Variants in ANKRD31 observed in about 807,000 individuals in gnomAD.
ANKRD31 encodes ankyrin repeat domain 31, also known as ankyrin repeat domain-containing protein 31.
In ANKRD31, 147 loss-of-function variants were observed where a neutral mutation model predicts 186.0. That is an observed-to-expected ratio of 0.79 (90% CI 0.69 to 0.91). ANKRD31 has a LOEUF of 0.91. ANKRD31 is among the 40% of genes least tolerant of loss of function. The pLI, the probability that ANKRD31 is intolerant of heterozygous loss-of-function variation, is 0.00. For synonymous variants in ANKRD31, 673 were observed against 736.4 expected (o/e 0.91, Z 1.39); for missense variants, 1,986 against 2,148.8 (o/e 0.92, Z 1.50).
chr5:75,134,653 A>G (rs1259269407), intron 17 of ANKRD31, among the ~76,000 whole-genome samples: 1 of 152,186 alleles, frequency 6.6e-6, no homozygotes, highest in Non-Finnish European at 1.5e-5. Context: ...AATCCTCCCT[A>G]ACTCATTTGA....
rs1482435047 is a variant in ANKRD31, at chr5:75,112,538, A to C, written c.4218T>G (p.Phe1406Leu). 1.3e-6 allele frequency: 2 copies of C among 1,520,304 alleles called. No homozygotes were observed. Among genetic ancestry groups the C allele is most frequent in the South Asian group, 1.2e-5 (1 of 82,590 alleles). The allele number at this position is 1,520,304 out of a possible 1,614,324, so 94.2% of individuals were successfully genotyped here. ...CTGCATCTTCAGGGTTTCTTATTTC[A>C]AACTCTAATAAATATTCTTGTTTTT... ...IEEKQEYLLE[F>L]EIRNPEDAEQ... The change falls in exon 20 of 26, where the codon TTT (phenylalanine) becomes TTG (leucine). Residue 1406 changes from phenylalanine (F) to leucine (L), a missense_variant. By Grantham distance (22) the Phe-to-Leu change is conservative. Transcript: ENST00000506364.
At chr5:75,191,169 T>C (rs1226930394) in intron 9 of ANKRD31, among the ~76,000 whole-genome samples, 1 of 152,152 alleles carries the variant, frequency 6.6e-6, no homozygotes, top group African/African-American at 2.4e-5. Flanking sequence ...CTTTGATCAA[T>C]CTGAAATTAA....
At chr5:75,135,868 C>G (rs1049724519) in intron 17 of ANKRD31, among the ~76,000 whole-genome samples, 7 of 152,174 alleles carry the variant, frequency 4.6e-5, no homozygotes, top group African/African-American at 1.4e-4. Context: ...TACCACACAT[C>G]TACAATGATC....
intron 6 of ANKRD31, among the ~76,000 whole-genome samples, chr5:75,197,579 C>A (rs950125046): frequency 6.6e-6 from 1 of 152,060 alleles, no homozygotes; most frequent in East Asian, 1.9e-4. Context: ...GTTAGCAATG[C>A]TAACTATAAT....
chr5:75,231,037 T>C (rs1287888303), intron 1 of ANKRD31, among the ~76,000 whole-genome samples: 1 of 152,134 alleles, frequency 6.6e-6, no homozygotes, highest in Non-Finnish European at 1.5e-5. Flanking sequence ...GGATTATATC[T>C]GAGTATATAT....
intron 25 of ANKRD31, among the ~76,000 whole-genome samples, chr5:75,078,757 A>G (rs1424005142): frequency 6.6e-6 from 1 of 152,246 alleles, no homozygotes; most frequent in Non-Finnish European, 1.5e-5. Flanking sequence ...ATAACAAATA[A>G]TGTAGAAATT....
rs1324642927 is a variant in ANKRD31 at position 75,104,442 on chromosome 5, T to C, written c.5117A>G (p.His1706Arg). 4 of 1,537,252 alleles carry C rather than the reference T, an allele frequency of 2.6e-6. No homozygotes were observed. The Admixed American group carries it at 5.9e-5, about 23-fold the overall frequency. The change falls in exon 22 of 26, where the codon CAT becomes CGT. Residue 1706 changes from histidine (H) to arginine (R), a missense_variant. His to Arg is a conservative substitution (Grantham distance 29). Coordinates refer to ENST00000506364, the MANE Select transcript of ANKRD31 (RefSeq NM_001372053.1). ...TTTTTTAAGATATGGTTTCATCTGA[T>C]GCACTGTATCACTGCCTAAGACAGC... is the stretch of plus-strand genomic sequence containing the variant. The part of the protein sequence containing the change: ...GIAVLGSDTV[H>R]QMKPYLKKSV...
At chr5:75,069,526 G>A (rs1262971077) in intron 25 of ANKRD31, among the ~76,000 whole-genome samples, 1 of 151,864 alleles carries the variant, frequency 6.6e-6, no homozygotes, top group Non-Finnish European at 1.5e-5. Context: ...CATGTAATGA[G>A]TTTTTTGTTT....
At chr5:75,202,647 T>C (rs1408100664) in intron 5 of ANKRD31, among the ~76,000 whole-genome samples, 1 of 152,238 alleles carries the variant, frequency 6.6e-6, no homozygotes, top group African/African-American at 2.4e-5. Flanking sequence ...ATCTTTATCT[T>C]TCTACAATTT....
At chr5:75,216,398 C>T (rs1756961461) in intron 3 of ANKRD31, among the ~76,000 whole-genome samples, 1 of 152,124 alleles carries the variant, frequency 6.6e-6, no homozygotes, top group South Asian at 2.1e-4. Context: ...AGGTACAATA[C>T]AGTTCCTGGT....
At chr5:75,171,531 G>C (rs1173961561) in intron 10 of ANKRD31, among the ~76,000 whole-genome samples, 2 of 151,496 alleles carry the variant, frequency 1.3e-5, no homozygotes, top group Non-Finnish European at 3.0e-5. Context: ...CAAAATCAGT[G>C]ACCTCATTTT....
chr5:75,194,118 A>T (rs1425416178), intron 7 of ANKRD31, among the ~76,000 whole-genome samples: 1 of 152,134 alleles, frequency 6.6e-6, no homozygotes, highest in Non-Finnish European at 1.5e-5. Flanking sequence ...TTCCATGAAC[A>T]TATGTATTCT....
At chr5:75,221,943 A>C (rs1397498548) in intron 3 of ANKRD31, among the ~76,000 whole-genome samples, 1 of 152,192 alleles carries the variant, frequency 6.6e-6, no homozygotes, top group African/African-American at 2.4e-5. Context: ...GTAGGCTATA[A>C]GTAGTTAAGT....
chr5:75,206,540 T>C, intron 4 of ANKRD31, 53 bp from the exon 5 acceptor site: 1 of 1,047,366 alleles, frequency 9.5e-7, no homozygotes, highest in Non-Finnish European at 1.3e-6. Flanking sequence ...AAAATAGTGT[T>C]TCTCATTCAA....
intron 9 of ANKRD31, among the ~76,000 whole-genome samples, chr5:75,189,438 A>T: frequency 6.6e-6 from 1 of 152,190 alleles, no homozygotes. Context: ...AACCTTACAA[A>T]GGTAACTGAG....
At chr5:75,133,987 A>G (rs34825728) in intron 17 of ANKRD31, among the ~76,000 whole-genome samples, 2 of 152,164 alleles carry the variant, frequency 1.3e-5, no homozygotes, top group Non-Finnish European at 2.9e-5. Context: ...CACACTACAT[A>G]CCAGAATCTC....
chr5:75,100,562 C>T (rs1179648722), intron 22 of ANKRD31, among the ~76,000 whole-genome samples: 4 of 152,048 alleles, frequency 2.6e-5, no homozygotes, highest in Non-Finnish European at 5.9e-5. Flanking sequence ...GGGTCTAAGT[C>T]TCTTTGTAGG....
chr5:75,127,689 T>C (rs1749361680), intron 17 of ANKRD31, among the ~76,000 whole-genome samples: 1 of 152,190 alleles, frequency 6.6e-6, no homozygotes, highest in African/African-American at 2.4e-5. Context: ...AAGACTATTG[T>C]ATTTGTACTG....
chr5:75,081,461 A>G (rs969586030), intron 24 of ANKRD31, among the ~76,000 whole-genome samples: 2 of 152,234 alleles, frequency 1.3e-5, no homozygotes, highest in African/African-American at 4.8e-5. Context: ...TTCTGACTTC[A>G]TGCTCACTTA....
Sources: allele counts gnomAD v4.1 joint callset (sites outside exome capture counted in the v4.1 genomes callset), GRCh38; gene constraint gnomAD v4.1.1; transcripts MANE v1.5; gene names NCBI Gene and HGNC (gene_info 2026-07-23, HGNC 2026-07-21).